C5orf15: variants seen among roughly 807,000 people sequenced by gnomAD.
C5orf15 encodes keratinocyte-associated transmembrane protein 2.
C5orf15 carries 10 observed loss-of-function variants against 17.8 expected under a neutral mutation model. The ratio of observed to expected loss-of-function variants is 0.56; its 90% CI spans 0.35 to 0.95. The LOEUF is 0.95. Ranked by LOEUF, C5orf15 falls within the 40% of genes least tolerant of loss-of-function variation. The pLI, the probability that C5orf15 is intolerant of heterozygous loss-of-function variation, is 0.02. For synonymous variants in C5orf15, 124 were observed against 131.0 expected (o/e 0.95, Z 0.36); for missense variants, 319 against 331.7 (o/e 0.96, Z 0.30).
chr5:133,963,679 A>C (rs1261993718), intron 1 of C5orf15, among the ~76,000 whole-genome samples: 1 of 152,000 alleles, frequency 6.6e-6, no homozygotes, highest in Non-Finnish European at 1.5e-5. Flanking sequence ...GTAAATGTAA[A>C]TGACCTAAAT....
intron 2 of C5orf15, among the ~76,000 whole-genome samples, chr5:133,957,453 T>A (rs1752056325): frequency 6.6e-6 from 1 of 152,236 alleles, no homozygotes; most frequent in Non-Finnish European, 1.5e-5. Flanking sequence ...ATAGGAATGT[T>A]TGTTAAAGAC....
At chr5:133,957,036 T>C in intron 2 of C5orf15, 46 bp from the exon 3 acceptor site, 1 of 1,445,930 alleles carries the variant, frequency 6.9e-7, no homozygotes, top group Non-Finnish European at 9.6e-7. Context: ...AAACAGAGAA[T>C]ATGGTAAACA....
At chr5:133,963,781 C>A (rs971505864) in intron 1 of C5orf15, among the ~76,000 whole-genome samples, 1 of 144,496 alleles carries the variant, frequency 6.9e-6, no homozygotes, top group Non-Finnish European at 1.6e-5. Flanking sequence ...CAGGGTCTCG[C>A]TTTGTCACTT....
chr5:133,962,915 T>G (rs775705788), intron 1 of C5orf15, among the ~76,000 whole-genome samples: 1 of 152,190 alleles, frequency 6.6e-6, no homozygotes, highest in Non-Finnish European at 1.5e-5. Context: ...TTGCTTATAA[T>G]CACTCTCTTA....
At position 133,968,490 on chromosome 5, in the gene C5orf15, G is replaced by T. The variant is rs1378886169; in HGVS notation, c.95C>A (p.Pro32Gln). 6.2e-7 allele frequency: 1 copy of T among 1,605,130 alleles called. No individual in the cohort carries two copies. Among genetic ancestry groups the T allele is most frequent in the South Asian group, 1.1e-5 (1 of 89,548 alleles). Residue 32 changes from proline (P) to glutamine (Q), a missense_variant, in exon 1 of 3, where the codon CCG becomes CAG. Transcript: ENST00000231512. ...CACAAGCAGGAGCGCCAAGACCAGCGGCCGCGCCAACCCCACAAGGGCTTG... is the reference window on the plus strand; with the variant it reads ...CACAAGCAGGAGCGCCAAGACCAGCTGCCGCGCCAACCCCACAAGGGCTTG... ...AIQALVGLAR[P>Q]LVLALLLVSA...
intron 2 of C5orf15, among the ~76,000 whole-genome samples, chr5:133,957,606 A>C (rs1285626339): frequency 6.6e-6 from 1 of 152,232 alleles, no homozygotes; most frequent in African/African-American, 2.4e-5. Context: ...AGCAGCACTC[A>C]AGGTTCTGTC....
Position 133,956,919 on chromosome 5 carries a change from T to C in C5orf15, c.738A>G (p.Leu246=), listed in dbSNP as rs1249635837. 6.2e-7 allele frequency: 1 copy of C among 1,610,912 alleles called. No homozygotes were observed. The highest frequency in any genetic ancestry group is 2.2e-5 in the East Asian group (1 of 44,780). The part of the protein sequence containing the change: ...LCSKTVEYHR[L]DQNVNEAMPS... ...GCATTGCCTCATTAACATTCTGATC[T>C]AGGCGATGGTATTCCACTGTTTTGG... Residue 246 remains leucine (L), a synonymous_variant, in exon 3 of 3, where the codon CTA becomes CTG. Transcript: ENST00000231512.
intron 2 of C5orf15, among the ~76,000 whole-genome samples, chr5:133,957,232 C>T (rs1324546444): frequency 6.6e-6 from 1 of 151,732 alleles, no homozygotes; most frequent in East Asian, 1.9e-4. Flanking sequence ...GGCATGGAGG[C>T]GCTTGCCTGT....
At chr5:133,959,013 A>G (rs566918688) in intron 2 of C5orf15, among the ~76,000 whole-genome samples, 4 of 152,294 alleles carry the variant, frequency 2.6e-5, no homozygotes, top group Admixed American at 2.6e-4. Context: ...AATACACAAT[A>G]GATTTACATG....
At chr5:133,966,829 G>A (rs1299194087) in intron 1 of C5orf15, among the ~76,000 whole-genome samples, 1 of 152,174 alleles carries the variant, frequency 6.6e-6, no homozygotes, top group Non-Finnish European at 1.5e-5. Context: ...TTCTTTTCAG[G>A]ACAGAATAAT....
chr5:133,964,736 CT>C (rs1452717834), intron 1 of C5orf15, among the ~76,000 whole-genome samples: 1 of 152,170 alleles, frequency 6.6e-6, no homozygotes. Context: ...GTTACTAAAA[CT>C]AAAAACCTTG....
At position 133,957,479 on chromosome 5, in the gene C5orf15, C is replaced by A. The variant is rs117657824; in HGVS notation, c.667-489G>T. On this transcript the variant is annotated intron_variant, in intron 2 of 2. Coordinates refer to ENST00000231512, the MANE Select transcript of C5orf15 (RefSeq NM_020199.3). ...TGTTAAAGACTCAGATTCCTAGGCT[C>A]TATCTTCAGAGACTGAGTTAGTACT... 3.5e-3 allele frequency among the ~76,000 whole-genome samples: 528 copies of A among 152,288 alleles called. 8 individuals carry two copies. Among genetic ancestry groups the A allele is most frequent in the African/African-American group, 0.012 (484 of 41,564 alleles).
intron 1 of C5orf15, among the ~76,000 whole-genome samples, chr5:133,961,232 TAAAAAAAAA>T (rs56684565): frequency 1.4e-3 from 42 of 30,434 alleles, no homozygotes; most frequent in African/African-American, 5.6e-3. Context: ...AGTCAGTTAG[TAAAAAAAAA>T]AAAAAAAAAA....
chr5:133,964,353 C>T (rs1035121075), intron 1 of C5orf15, among the ~76,000 whole-genome samples: 1 of 152,120 alleles, frequency 6.6e-6, no homozygotes, highest in African/African-American at 2.4e-5. Flanking sequence ...ATGTAAGATT[C>T]TCAAAATTAC....
At chr5:133,958,722 C>A (rs1456818452) in intron 2 of C5orf15, among the ~76,000 whole-genome samples, 1 of 149,608 alleles carries the variant, frequency 6.7e-6, no homozygotes, top group Non-Finnish European at 1.5e-5. Flanking sequence ...TTTAAATTTT[C>A]TTTTCTAAAC....
At position 133,959,840 on chromosome 5, in the gene C5orf15, G is replaced by A. The variant is rs752076068; in HGVS notation, c.320C>T (p.Ser107Leu). The change falls in exon 2 of 3, where the codon TCG becomes TTG. Residue 107 changes from serine (S) to leucine (L), a missense_variant. Ser to Leu is a moderately radical substitution (Grantham distance 145). Transcript: ENST00000231512. ...TTCCTCTTGAGACAGAGGAGTAGGC[G>A]AGGGATGAGGGACCACAGATGCTCC... ...SGGASVVPHP[S>L]PTPLSQEEAD... 8.7e-6 allele frequency: 14 copies of A among 1,613,968 alleles called. No individual in the cohort carries two copies. In the Admixed American group the frequency reaches 1.2e-4, roughly 13 times the overall value.
chr5:133,957,168 C>T (rs1752053153), intron 2 of C5orf15, among the ~76,000 whole-genome samples, 178 bp from the exon 3 acceptor site: 1 of 152,004 alleles, frequency 6.6e-6, no homozygotes, highest in Admixed American at 6.6e-5. Context: ...AGTCCGAGAC[C>T]AGCCTAAGCA....
chr5:133,963,544 G>A (rs537375901), intron 1 of C5orf15, among the ~76,000 whole-genome samples: 1 of 152,320 alleles, frequency 6.6e-6, no homozygotes, highest in East Asian at 1.9e-4. Flanking sequence ...AACAGTTAGA[G>A]ACCTCAGGAT....
intron 1 of C5orf15, among the ~76,000 whole-genome samples, chr5:133,961,618 C>T (rs570749015): frequency 1.3e-5 from 2 of 148,424 alleles, no homozygotes; most frequent in African/African-American, 2.5e-5. Flanking sequence ...CAGGGTCTCA[C>T]TCTGTTGCCC....
Sources: allele counts gnomAD v4.1 joint callset (sites outside exome capture counted in the v4.1 genomes callset), GRCh38; gene constraint gnomAD v4.1.1; transcripts MANE v1.5; gene names NCBI Gene and HGNC (gene_info 2026-07-23, HGNC 2026-07-21).